CLASP1: variants seen among roughly 807,000 people sequenced by gnomAD.
The protein encoded by CLASP1 is CLIP-associating protein 1.
In CLASP1, 38 loss-of-function variants were observed where a neutral mutation model predicts 192.3. The ratio of observed to expected loss-of-function variants is 0.20; its 90% CI spans 0.15 to 0.26. The LOEUF (loss-of-function observed/expected upper bound fraction) is 0.26. CLASP1 is among the 10% of genes least tolerant of loss of function. The probability of loss-of-function intolerance (pLI) is 1.00; values close to 1 mark genes in which losing one functional copy is unlikely to be tolerated. For missense variants in CLASP1, 1,433 were observed against 1,932.5 expected (o/e 0.74, Z 4.85); for synonymous variants, 691 against 712.8 (o/e 0.97, Z 0.49).
intron 2 of CLASP1, among the ~76,000 whole-genome samples, chr2:121,581,810 G>A (rs1352874428): frequency 1.3e-5 from 2 of 152,176 alleles, no homozygotes; most frequent in Admixed American, 1.3e-4. Context: ...GCTTGAGCCC[G>A]GAAGGCAGAA....
At chr2:121,500,384 GAAAGAAAGAAAGA>G (rs1445193503) in intron 8 of CLASP1, among the ~76,000 whole-genome samples, 44 of 110,120 alleles carry the variant, frequency 4.0e-4, no homozygotes, top group African/African-American at 1.4e-3. Flanking sequence ...AAGAAAGAAA[GAAAGAAAGAAAGA>G]AAAGAAAGAA....
chr2:121,479,952 GT>G (rs2092451681), intron 8 of CLASP1, among the ~76,000 whole-genome samples: 1 of 152,214 alleles, frequency 6.6e-6, no homozygotes, highest in African/African-American at 2.4e-5. Flanking sequence ...TGCTAGCAGA[GT>G]GCTACTTCTG....
chr2:121,455,748 G>C (rs1032671784), intron 14 of CLASP1, among the ~76,000 whole-genome samples: 1 of 152,200 alleles, frequency 6.6e-6, no homozygotes, highest in Non-Finnish European at 1.5e-5. Context: ...TATGGTCTCA[G>C]CTACTTGGGA....
intron 24 of CLASP1, chr2:121,409,120 T>G: frequency 7.8e-7 from 1 of 1,282,898 alleles, no homozygotes; most frequent in Non-Finnish European, 1.1e-6. Flanking sequence ...GTAGGGATTG[T>G]TCTTGCAACA....
intron 23 of CLASP1, among the ~76,000 whole-genome samples, chr2:121,417,607 G>A (rs1454934648): frequency 6.6e-6 from 1 of 152,176 alleles, no homozygotes; most frequent in Non-Finnish European, 1.5e-5. Context: ...GTATTGCCTC[G>A]CTAAATCACA....
chr2:121,383,614 T>C (rs1226263390), intron 32 of CLASP1, among the ~76,000 whole-genome samples: 1 of 141,054 alleles, frequency 7.1e-6, no homozygotes, highest in East Asian at 2.0e-4. Flanking sequence ...ACATACATGC[T>C]ATTTACACAG....
chr2:121,394,008 A>G (rs1369658958), intron 30 of CLASP1, among the ~76,000 whole-genome samples: 3 of 152,200 alleles, frequency 2.0e-5, no homozygotes, highest in Admixed American at 6.5e-5. Flanking sequence ...TCGAATAACT[A>G]TGGAAGCCTT....
intron 19 of CLASP1, among the ~76,000 whole-genome samples, chr2:121,434,332 C>CTGAT (rs2081958121): frequency 6.6e-6 from 1 of 152,174 alleles, no homozygotes; most frequent in Non-Finnish European, 1.5e-5. Flanking sequence ...TCACAGCTCA[C>CTGAT]TGATGCCTCA....
intron 19 of CLASP1, among the ~76,000 whole-genome samples, chr2:121,441,611 G>C (rs1208551033): frequency 1.3e-5 from 2 of 152,082 alleles, no homozygotes; most frequent in African/African-American, 4.8e-5. Context: ...CACGCCTGTA[G>C]TCCCAGCTAC....
chr2:121,433,815 T>G (rs748651559), intron 19 of CLASP1, among the ~76,000 whole-genome samples: 4 of 152,142 alleles, frequency 2.6e-5, no homozygotes, highest in Non-Finnish European at 4.4e-5. Flanking sequence ...ACATACACAC[T>G]CACATACACA....
At chr2:121,601,631 C>G (rs1281142826) in intron 2 of CLASP1, among the ~76,000 whole-genome samples, 2 of 152,202 alleles carry the variant, frequency 1.3e-5, no homozygotes, top group East Asian at 1.9e-4. Flanking sequence ...TCTTTTTCAA[C>G]ATAGTAGTGG....
intron 1 of CLASP1, among the ~76,000 whole-genome samples, chr2:121,630,366 A>G (rs2069275941): frequency 6.8e-6 from 1 of 146,412 alleles, no homozygotes. Flanking sequence ...TTGGTAGATC[A>G]CCATATTGGA....
At chr2:121,560,725 A>C (rs1345972598) in intron 2 of CLASP1, among the ~76,000 whole-genome samples, 1 of 152,190 alleles carries the variant, frequency 6.6e-6, no homozygotes, top group Non-Finnish European at 1.5e-5. Flanking sequence ...GATTCATTAA[A>C]ACATTCTCTC....
At chr2:121,464,010 A>G (rs1254660543) in intron 9 of CLASP1, among the ~76,000 whole-genome samples, 2 of 104,374 alleles carry the variant, frequency 1.9e-5, no homozygotes, top group African/African-American at 7.7e-5. Context: ...CCCACCCCAC[A>G]ACAGTCCCCA....
chr2:121,521,322 G>T (rs941542744), intron 6 of CLASP1, among the ~76,000 whole-genome samples: 2 of 152,114 alleles, frequency 1.3e-5, no homozygotes, highest in Non-Finnish European at 2.9e-5. Context: ...CTGCTTACGT[G>T]TATGTTTGAA....
intron 8 of CLASP1, among the ~76,000 whole-genome samples, chr2:121,484,118 G>A (rs1351995097): frequency 6.6e-6 from 1 of 152,220 alleles, no homozygotes; most frequent in Non-Finnish European, 1.5e-5. Context: ...GATAAGTGCA[G>A]TTATTCTACG....
intron 1 of CLASP1, among the ~76,000 whole-genome samples, chr2:121,611,246 C>A (rs371296709): frequency 0.077 from 935 of 12,114 alleles, no homozygotes; most frequent in East Asian, 0.09. Context: ...GAGGAGGAGG[C>A]GTTGGAGGAG....
intron 34 of CLASP1, among the ~76,000 whole-genome samples, chr2:121,368,647 C>T (rs1024344794): frequency 2.6e-5 from 4 of 152,194 alleles, no homozygotes; most frequent in South Asian, 2.1e-4. Flanking sequence ...CTGCTGGCAA[C>T]GGGGACAGAC....
chr2:121,610,554 G>A (rs1413611172), intron 1 of CLASP1, among the ~76,000 whole-genome samples: 2 of 150,638 alleles, frequency 1.3e-5, no homozygotes, highest in East Asian at 4.0e-4. Flanking sequence ...AGCTGGAGGA[G>A]GAAGAGGAGT....
Sources: gnomAD v4.1 joint callset for allele counts (sites outside exome capture counted in the v4.1 genomes callset) on GRCh38, gnomAD v4.1.1 for gene constraint, MANE v1.5 for transcripts, NCBI Gene and HGNC (gene_info 2026-07-23, HGNC 2026-07-21) for gene names.